Variants in SLC19A1 observed in about 807,000 individuals in gnomAD.
The protein encoded by SLC19A1 is reduced folate transporter.
SLC19A1 carries 37 observed loss-of-function variants against 35.3 expected under a neutral mutation model. The observed-to-expected ratio is 1.05, with a 90% CI of 0.81 to 1.38. SLC19A1 has a LOEUF of 1.38. Among genes scored for constraint, SLC19A1 ranks in the 40% most tolerant of loss-of-function variants. SLC19A1 has a pLI of 0.00. For synonymous variants in SLC19A1, 460 were observed against 398.5 expected (o/e 1.15, Z -1.84); for missense variants, 831 against 826.9 (o/e 1.00, Z -0.06).
At chr21:45,542,863 C>T (rs1464214325), upstream of SLC19A1, among the ~76,000 whole-genome samples, 1 of 150,928 alleles carries the variant, frequency 6.6e-6, no homozygotes, top group African/African-American at 2.4e-5. Flanking sequence ...CACCCTGGAA[C>T]ACCTGCATTC....
Position 45,515,137 on chromosome 21 carries a change from C to T in SLC19A1, c.*521G>A. ...CTTTTCCACAGAGACAGAGAAGCCA[C>T]ATGCAGTTCTTCATTCTACGTCAGT... is the stretch of plus-strand genomic sequence containing the variant. On this transcript the variant is annotated 3_prime_UTR_variant, in exon 6 of 6. Transcript: ENST00000311124. 6.5e-7 allele frequency: 1 copy of T among 1,536,528 alleles called. No individual in the cohort carries two copies. The highest frequency in any genetic ancestry group is 8.7e-7 in the Non-Finnish European group (1 of 1,142,996).
chr21:45,508,207 T>C (rs2146108363), downstream of SLC19A1, among the ~76,000 whole-genome samples: 1 of 144,688 alleles, frequency 6.9e-6, no homozygotes, highest in East Asian at 2.0e-4. Context: ...GGTGGGTGAG[T>C]GTATGAATGG....
rs1391955134 is a variant in SLC19A1, at chr21:45,531,993, C to T, written c.345G>A (p.Ser115=). Residue 115 remains serine, a synonymous_variant, in exon 3 of 6, where the codon TCG becomes TCA. Transcript: ENST00000311124. ...SVWLLLLLGH[S]VAHMQLMELF... ...GCTCCATGAGCTGCATGTGCGCCAC[C>T]GAGTGGCCCAGCAGCAGCAGCAGCC... is the stretch of plus-strand genomic sequence containing the variant. 2.5e-6 allele frequency: 4 copies of T among 1,610,210 alleles called. No homozygotes were observed. The highest frequency in any genetic ancestry group is 2.2e-5 in the East Asian group (1 of 44,832).
intron 4 of SLC19A1, among the ~76,000 whole-genome samples, chr21:45,529,660 GTGTGGTGTGTGTCCATGTGTGAGCA>G: frequency 6.6e-6 from 1 of 151,478 alleles, no homozygotes; most frequent in East Asian, 1.9e-4. Context: ...ATGTGTGAAC[GTGTGGTGTGTGTCCATGTGTGAGCA>G]TGTGTTGTGT....
At chr21:45,538,487 C>T (rs1478061587) in intron 1 of SLC19A1, among the ~76,000 whole-genome samples, 2 of 152,220 alleles carry the variant, frequency 1.3e-5, no homozygotes, top group African/African-American at 4.8e-5. Context: ...AGGGCACAGG[C>T]AGGAACGGAC....
chr21:45,550,868 CT>C (rs1451810751), intron 1 of SLC19A1, among the ~76,000 whole-genome samples: 1 of 149,892 alleles, frequency 6.7e-6, no homozygotes, highest in Non-Finnish European at 1.5e-5. Flanking sequence ...CCTTCCTCCC[CT>C]CTCCTCCGCC....
intron 3 of SLC19A1, chr21:45,505,691 G>A: frequency 5.6e-6 from 4 of 715,426 alleles, no homozygotes; most frequent in Non-Finnish European, 9.7e-6. Context: ...GGGTCCCCAT[G>A]GTGCTCATGG....
intron 5 of SLC19A1, among the ~76,000 whole-genome samples, chr21:45,524,950 C>T (rs146878753): frequency 6.6e-6 from 1 of 152,362 alleles, no homozygotes; most frequent in Non-Finnish European, 1.5e-5. Flanking sequence ...TGGCACAGGG[C>T]CACGTGGCCT....
intron 1 of SLC19A1, among the ~76,000 whole-genome samples, chr21:45,549,429 C>T (rs2078443366): frequency 6.6e-6 from 1 of 151,458 alleles, no homozygotes; most frequent in Non-Finnish European, 1.5e-5. Flanking sequence ...CTAATGGGTG[C>T]AATTTATGGC....
Position 45,504,638 on chromosome 21 carries a change from G to A in SLC19A1, c.498-6026C>T, listed in dbSNP as rs551232243. The A allele has an allele frequency of 9.5e-5, 123 of 1,292,500 alleles. No homozygotes were observed. In the South Asian group the frequency reaches 1.1e-3, roughly 12 times the overall value. 80.1% of individuals were successfully genotyped at this position (1,292,500 alleles called of 1,614,324 possible). ...CGAGGGCAGGTCCAGCCCGGCCTTC[G>A]ACACCCGCGAAGGCCGGAGCTGCCC... is the stretch of plus-strand genomic sequence containing the variant. On this transcript the variant is annotated intron_variant, in intron 3 of 4. Transcript: ENST00000417954.
At chr21:45,526,176 T>C (rs953872748) in intron 4 of SLC19A1, among the ~76,000 whole-genome samples, 14 of 152,198 alleles carry the variant, frequency 9.2e-5, no homozygotes, top group Admixed American at 7.2e-4. Context: ...GGGGCCATTC[T>C]GGGAGCTGCC....
At chr21:45,552,216 A>G (rs1237879126) in intron 1 of SLC19A1, among the ~76,000 whole-genome samples, 2 of 152,156 alleles carry the variant, frequency 1.3e-5, no homozygotes, top group African/African-American at 4.8e-5. Flanking sequence ...CGATGGGCCA[A>G]AGAAGAGGCT....
In SLC19A1 at chr21:45,555,497, G is replaced by C. The variant is rs996224781; in HGVS notation, c.-50+7245C>G. 3.0e-3 allele frequency among the ~76,000 whole-genome samples: 399 copies of C among 133,270 alleles called. 2 individuals are homozygous for C. Among genetic ancestry groups the C allele is most frequent in the African/African-American group, 0.011 (372 of 35,322 alleles). 87.4% of individuals were successfully genotyped at this position (133,270 alleles called of 152,430 possible). A position where few individuals can be genotyped will look rare whatever the true frequency, so the allele number is the denominator to read the frequency against. ...AAGGGGAACCGGCTTGGGTGGCCAT[G>C]CAGGCGACGCGGGTTGCAGGGAACG... On this transcript the variant is annotated intron_variant, in intron 1 of 5. Transcript: ENST00000650808.
rs976480395 is a variant in SLC19A1 at position 45,529,604 on chromosome 21, TGTGTCCATGTGTGAAC to T, written c.1151+1150_1151+1165del. The stretch of plus-strand genomic sequence containing the variant: ...GTGTGGGTGTCTCCATGTGTGAGCG[TGTGTCCATGTGTGAAC>T]GTGTCCATGTGTAAACGTGTGGTGT... On this transcript the variant is annotated intron_variant, in intron 4 of 5. Coordinates refer to ENST00000311124, the MANE Select transcript of SLC19A1 (RefSeq NM_194255.4). Among the ~76,000 whole-genome samples, 11 of 23,952 alleles carry T rather than the reference TGTGTCCATGTGTGAAC, an allele frequency of 4.6e-4. No individual in the cohort carries two copies. In the East Asian group the frequency reaches 0.015, roughly 32 times the overall value. 15.7% of individuals were successfully genotyped at this position (23,952 alleles called of 152,430 possible).
upstream of SLC19A1, among the ~76,000 whole-genome samples, chr21:45,542,986 C>T (rs1407254619): frequency 6.6e-6 from 1 of 151,796 alleles, no homozygotes; most frequent in African/African-American, 2.4e-5. Context: ...TCTTGGGGAC[C>T]GCACGGCCCC....
chr21:45,524,009 C>T (rs1400766238), intron 5 of SLC19A1, among the ~76,000 whole-genome samples: 1 of 152,184 alleles, frequency 6.6e-6, no homozygotes, highest in Non-Finnish European at 1.5e-5. Flanking sequence ...CTGTGTCCAC[C>T]CAGGCCGGGC....
downstream of SLC19A1, chr21:45,509,429 AC>A: frequency 1.3e-6 from 2 of 1,533,354 alleles, no homozygotes; most frequent in Non-Finnish European, 1.8e-6. Flanking sequence ...CGGCGGGAGC[AC>A]CCCCACCCCA....
At chr21:45,529,887 T>A (rs1264202526) in intron 4 of SLC19A1, among the ~76,000 whole-genome samples, 2 of 150,378 alleles carry the variant, frequency 1.3e-5, no homozygotes, top group African/African-American at 4.9e-5. Context: ...GTGAGTGTGG[T>A]GGGTGTCTGT....
chr21:45,561,779 T>TAATA, intron 1 of SLC19A1, among the ~76,000 whole-genome samples: 1 of 150,774 alleles, frequency 6.6e-6, no homozygotes, highest in South Asian at 2.1e-4. Flanking sequence ...AATAAATAAA[T>TAATA]AATAAATAAT....
Sources: allele counts gnomAD v4.1 joint callset (sites outside exome capture counted in the v4.1 genomes callset), GRCh38; gene constraint gnomAD v4.1.1; transcripts MANE v1.5; gene names NCBI Gene and HGNC (gene_info 2026-07-23, HGNC 2026-07-21).